The following AKT3 variants were observed in gnomAD, a reference collection of about 807,000 sequenced individuals.
AKT3 encodes RAC-gamma serine/threonine-protein kinase.
A neutral mutation model predicts 65.3 loss-of-function variants in AKT3; 15 were observed. The observed-to-expected ratio is 0.23, with a 90% confidence interval of 0.15 to 0.35. AKT3 has a LOEUF of 0.35. Among genes scored for constraint, AKT3 ranks in the 10% least tolerant of loss-of-function variants. The pLI, the probability that AKT3 is intolerant of heterozygous loss-of-function variation, is 1.00. For missense variants in AKT3, 243 were observed against 576.5 expected, an observed-to-expected ratio of 0.42 and a Z score of 5.92; for synonymous variants, 206 against 183.8, an observed-to-expected ratio of 1.12 and a Z score of -0.98.
chr1:243,493,671 C>T (rs1320829551), intron 13 of AKT3, among the ~76,000 whole-genome samples: 1 of 151,928 alleles, frequency 6.6e-6, no homozygotes, highest in East Asian at 1.9e-4. Flanking sequence ...AATCAGTTGG[C>T]CCTATGACTT....
chr1:243,642,730 A>T (rs1032502804), intron 5 of AKT3, among the ~76,000 whole-genome samples: 1 of 152,184 alleles, frequency 6.6e-6, no homozygotes, highest in Non-Finnish European at 1.5e-5. Context: ...TTCCCTTTAC[A>T]TGTTTACGTG....
At chr1:243,684,625 C>T (rs1403978256) in intron 3 of AKT3, among the ~76,000 whole-genome samples, 1 of 152,144 alleles carries the variant, frequency 6.6e-6, no homozygotes, top group East Asian at 1.9e-4. Context: ...CATACGTGTG[C>T]ATGTGTCTTT....
intron 10 of AKT3, among the ~76,000 whole-genome samples, chr1:243,554,449 G>T (rs952085715): frequency 1.3e-5 from 2 of 152,092 alleles, no homozygotes; most frequent in African/African-American, 2.4e-5. Context: ...TCAGCGCAAA[G>T]AATGTCATAT....
rs150676969 is a variant in AKT3 at position 243,691,617 on chromosome 1, A to G, written c.172+3974T>C. 3.3e-5 allele frequency among the ~76,000 whole-genome samples: 5 copies of G among 152,084 alleles called. No individual in the cohort carries two copies. In the East Asian group the frequency reaches 9.7e-4, roughly 29 times the overall value. ...GGAGTGGGGTAAAGATGTGAAGGAGAAAAAAAAGGCATGGAAAGGATCCAT... is the reference window on the plus strand; with the variant it reads ...GGAGTGGGGTAAAGATGTGAAGGAGGAAAAAAAGGCATGGAAAGGATCCAT... On this transcript the variant is annotated intron_variant, in intron 3 of 13. Transcript: ENST00000673466.
intron 2 of AKT3, among the ~76,000 whole-genome samples, chr1:243,797,497 A>G (rs1692093220): frequency 1.3e-5 from 2 of 152,178 alleles, no homozygotes; most frequent in Admixed American, 6.5e-5. Flanking sequence ...GATCTACTAA[A>G]TGAGAATCTT....
chr1:243,744,694 G>C (rs1022962882), intron 2 of AKT3, among the ~76,000 whole-genome samples: 2 of 146,370 alleles, frequency 1.4e-5, no homozygotes, highest in Non-Finnish European at 3.0e-5. Context: ...AGCCGAGATC[G>C]CGCCCCTGCA....
intron 2 of AKT3, among the ~76,000 whole-genome samples, chr1:243,830,106 G>A (rs1558852759): frequency 6.6e-6 from 1 of 152,052 alleles, no homozygotes; most frequent in Non-Finnish European, 1.5e-5. Flanking sequence ...AAAATATTCA[G>A]GAAAAAGAAA....
At chr1:243,668,266 A>G (rs1003684764) in intron 3 of AKT3, among the ~76,000 whole-genome samples, 1 of 152,234 alleles carries the variant, frequency 6.6e-6, no homozygotes, top group Non-Finnish European at 1.5e-5. Context: ...TTCTAAAGCA[A>G]TGTACCTATA....
chr1:243,740,212 G>A (rs1430748902), intron 2 of AKT3, among the ~76,000 whole-genome samples: 2 of 152,166 alleles, frequency 1.3e-5, no homozygotes, highest in Non-Finnish European at 2.9e-5. Context: ...GGAAAATGCA[G>A]TACAAAGTAA....
downstream of AKT3, among the ~76,000 whole-genome samples, chr1:243,498,359 G>A (rs1225144781): frequency 6.6e-6 from 1 of 152,200 alleles, no homozygotes; most frequent in African/African-American, 2.4e-5. Flanking sequence ...ACTCAGACAG[G>A]GCCTGGAGAA....
At chr1:243,808,013 A>G (rs1692857956) in intron 2 of AKT3, 1 of 152,230 alleles carries the variant, frequency 6.6e-6, no homozygotes, top group African/African-American at 2.4e-5. Flanking sequence ...AAAGACATCC[A>G]CACCAAAAAC....
At chr1:243,715,712 G>A (rs73128260) in intron 2 of AKT3, among the ~76,000 whole-genome samples, 7 of 152,104 alleles carry the variant, frequency 4.6e-5, no homozygotes, top group African/African-American at 1.7e-4. Flanking sequence ...TTTTAGAAGA[G>A]AAACTTTTCA....
chr1:243,541,618 TA>T (rs1410968054), intron 12 of AKT3, among the ~76,000 whole-genome samples: 1 of 152,180 alleles, frequency 6.6e-6, no homozygotes, highest in Non-Finnish European at 1.5e-5. Flanking sequence ...TATTTAATGG[TA>T]AAAGGTGCTT....
At chr1:243,683,504 T>C (rs1356665812) in intron 3 of AKT3, among the ~76,000 whole-genome samples, 2 of 152,146 alleles carry the variant, frequency 1.3e-5, no homozygotes, top group African/African-American at 4.8e-5. Flanking sequence ...ATGGTTGTTA[T>C]TTGAGATGGC....
chr1:243,517,618 T>C (rs908217432), intron 12 of AKT3, among the ~76,000 whole-genome samples: 1 of 152,250 alleles, frequency 6.6e-6, no homozygotes, highest in African/African-American at 2.4e-5. Context: ...TATAGCACTC[T>C]AGTTTTCTTC....
chr1:243,666,247 G>A (rs2087072), intron 3 of AKT3, among the ~76,000 whole-genome samples: 82,857 of 151,748 alleles, frequency 0.55, 24,867 homozygotes, highest in Non-Finnish European at 0.68. Flanking sequence ...CAAGTGATCC[G>A]CCCGCCTCGG....
upstream of AKT3, among the ~76,000 whole-genome samples, chr1:243,850,835 T>C (rs867940573): frequency 1.3e-5 from 2 of 151,724 alleles, no homozygotes; most frequent in South Asian, 2.1e-4. Flanking sequence ...GCGGGGGCAG[T>C]CGCTCCCGGG....
intron 2 of AKT3, among the ~76,000 whole-genome samples, chr1:243,742,820 G>A (rs1688244011): frequency 6.7e-6 from 1 of 150,096 alleles, no homozygotes. Flanking sequence ...AAAAAATTAT[G>A]GGCATAAAAA....
At chr1:243,743,069 T>C (rs750988099) in intron 2 of AKT3, among the ~76,000 whole-genome samples, 1 of 152,148 alleles carries the variant, frequency 6.6e-6, no homozygotes, top group Non-Finnish European at 1.5e-5. Flanking sequence ...GGCCAGAAAT[T>C]AGTCACATAG....
Sources: allele counts gnomAD v4.1 joint callset (sites outside exome capture counted in the v4.1 genomes callset), GRCh38; gene constraint gnomAD v4.1.1; transcripts MANE v1.5; gene names NCBI Gene and HGNC (gene_info 2026-07-23, HGNC 2026-07-21).